RPTOR: variants seen among roughly 807,000 people sequenced by gnomAD.
RPTOR encodes the protein regulatory associated protein of MTOR complex 1.
In RPTOR, 21 loss-of-function variants were observed where a neutral mutation model predicts 169.9. The observed-to-expected ratio is 0.12, with a 90% CI of 0.09 to 0.18. The LOEUF (loss-of-function observed/expected upper bound fraction) is 0.18, where lower values mean the gene tolerates loss of function less well. Among genes scored for constraint, RPTOR ranks in the 10% least tolerant of loss-of-function variants. The probability of loss-of-function intolerance (pLI) is 1.00; values close to 1 mark genes in which losing one functional copy is unlikely to be tolerated. For missense variants in RPTOR, 1,133 were observed against 1,855.9 expected, an observed-to-expected ratio of 0.61 and a Z score of 7.16; for synonymous variants, 732 against 753.2, an observed-to-expected ratio of 0.97 and a Z score of 0.46.
rs888025653 is a variant in RPTOR at position 80,695,419 on chromosome 17, A to G, written c.349-12422A>G. Among the ~76,000 whole-genome samples, 2 of 152,322 alleles carry G rather than the reference A, an allele frequency of 1.3e-5. No individual in the cohort carries two copies. The highest frequency in any genetic ancestry group is 4.8e-5 in the African/African-American group (2 of 41,578). On this transcript the variant is annotated intron_variant, in intron 3 of 33. Coordinates refer to ENST00000306801, the MANE Select transcript of RPTOR (RefSeq NM_020761.3). The surrounding 1 kb of genome is among the most constrained non-coding windows in gnomAD (Gnocchi z 4.9). ...TTTGGGGCTGAGACTTAAGTTTCCC[A>G]TCTCTGGGCGGGACCTGTGCTCTCT...
intron 9 of RPTOR, among the ~76,000 whole-genome samples, chr17:80,836,053 G>A (rs1336985459): frequency 1.3e-5 from 2 of 152,152 alleles, no homozygotes; most frequent in Non-Finnish European, 2.9e-5. Flanking sequence ...ATGGTGAAAC[G>A]GATCCTAGAG....
At chr17:80,952,447 C>T (rs912041200) in intron 28 of RPTOR, among the ~76,000 whole-genome samples, 7 of 152,194 alleles carry the variant, frequency 4.6e-5, no homozygotes, top group African/African-American at 1.7e-4. Flanking sequence ...CCGCCAGCTT[C>T]TGCTGCAGGG....
At chr17:80,621,870 C>T (rs138250081) in intron 1 of RPTOR, among the ~76,000 whole-genome samples, 74 of 152,274 alleles carry the variant, frequency 4.9e-4, no homozygotes, top group Admixed American at 1.1e-3. Flanking sequence ...TTTCCTGGGG[C>T]GCACGGAGCA....
intron 25 of RPTOR, among the ~76,000 whole-genome samples, chr17:80,944,990 CAAA>C (rs530408210): frequency 1.3e-4 from 12 of 93,032 alleles, no homozygotes; most frequent in Admixed American, 4.5e-4. Context: ...GACTCCATCT[CAAA>C]AAAAAAAAAA....
intron 7 of RPTOR, among the ~76,000 whole-genome samples, chr17:80,794,309 T>A (rs1220637965): frequency 6.6e-6 from 1 of 152,082 alleles, no homozygotes; most frequent in East Asian, 1.9e-4. Context: ...CAAAGAGGAT[T>A]TAGGGATGGC....
At chr17:80,634,538 GTACTGTGTGTGTGCA>G (rs1452849701) in intron 2 of RPTOR, among the ~76,000 whole-genome samples, 94 of 110,592 alleles carry the variant, frequency 8.5e-4, no homozygotes, top group Non-Finnish European at 1.2e-3. Context: ...GTGCATGTGC[GTACTGTGTGTGTGCA>G]TACTGTGTGT....
chr17:80,623,751 A>G (rs9906589), intron 1 of RPTOR, among the ~76,000 whole-genome samples: 52,331 of 151,860 alleles, frequency 0.34, 9,165 homozygotes, highest in African/African-American at 0.39. Flanking sequence ...GGCCAGGCTG[A>G]TCTTGAACTC....
chr17:80,554,713 C>T (rs1226502389), intron 1 of RPTOR, among the ~76,000 whole-genome samples: 2 of 151,712 alleles, frequency 1.3e-5, no homozygotes, highest in Non-Finnish European at 2.9e-5. Flanking sequence ...CACTGCACTC[C>T]AGCCTGGGTG....
rs147509862 is a variant in RPTOR, at chr17:80,635,964, A to G, written c.266-7764A>G. Among the ~76,000 whole-genome samples, 59 of 152,264 alleles carry G rather than the reference A, an allele frequency of 3.9e-4. No homozygotes were observed. In the East Asian group the frequency reaches 0.01, roughly 26 times the overall value. On this transcript the variant is annotated intron_variant, in intron 2 of 33. Transcript: ENST00000306801. Reference sequence around the variant, plus strand: ...AGGAAGCCAAAACAGGGATTGGTGCAATCAAATTACTTACAAACATGTTAC... The same window carrying G: ...AGGAAGCCAAAACAGGGATTGGTGCGATCAAATTACTTACAAACATGTTAC...
At chr17:80,760,306 T>C (rs996737426) in intron 6 of RPTOR, among the ~76,000 whole-genome samples, 1 of 132,208 alleles carries the variant, frequency 7.6e-6, no homozygotes, top group Non-Finnish European at 1.6e-5. Context: ...TTTTCTTTTT[T>C]CTTTTTTTTT....
At position 80,705,622 on chromosome 17, in the gene RPTOR, G is replaced by C. The variant is rs187829634; in HGVS notation, c.349-2219G>C. On this transcript the variant is annotated intron_variant, in intron 3 of 33. Coordinates refer to ENST00000306801, the MANE Select transcript of RPTOR (RefSeq NM_020761.3). The stretch of plus-strand genomic sequence containing the variant: ...CAGAGTAACCGTGTTGCAGGAATTG[G>C]GCCTCGTTTTCCTGTTGTTTTCCTC... Among the ~76,000 whole-genome samples the C allele has an allele frequency of 8.5e-5, 13 of 152,244 alleles. No homozygotes were observed. In the East Asian group the frequency reaches 2.5e-3, roughly 29 times the overall value.
intron 1 of RPTOR, among the ~76,000 whole-genome samples, chr17:80,565,453 C>T (rs574728914): frequency 2.8e-4 from 43 of 152,240 alleles, no homozygotes; most frequent in African/African-American, 1.0e-3. Flanking sequence ...CTGAAGGAGG[C>T]CACAGTAAAA....
chr17:80,747,805 G>A (rs1383936255), intron 5 of RPTOR, among the ~76,000 whole-genome samples: 4 of 152,182 alleles, frequency 2.6e-5, no homozygotes, highest in Non-Finnish European at 4.4e-5. Flanking sequence ...CTGGAGACTC[G>A]CCCCACCACC....
chr17:80,788,390 G>A (rs890568491), intron 6 of RPTOR, among the ~76,000 whole-genome samples: 7 of 152,104 alleles, frequency 4.6e-5, no homozygotes, highest in South Asian at 2.1e-4. Flanking sequence ...AGAGGTTGCC[G>A]TGAGCCAAAA....
At chr17:80,720,435 G>A (rs529235490) in intron 4 of RPTOR, among the ~76,000 whole-genome samples, 11 of 152,284 alleles carry the variant, frequency 7.2e-5, no homozygotes, top group African/African-American at 1.7e-4. Context: ...AGAATCTAGC[G>A]GTGTCCAAGA....
chr17:80,602,964 A>T, intron 1 of RPTOR: 1 of 368,628 alleles, frequency 2.7e-6, no homozygotes. Flanking sequence ...AGGACAGTTG[A>T]GTTTTCTTGG....
chr17:80,681,615 CGTCTCTT>C, intron 3 of RPTOR, among the ~76,000 whole-genome samples: 1 of 146,366 alleles, frequency 6.8e-6, no homozygotes, highest in Non-Finnish European at 1.5e-5. Context: ...ATGAGGTGTA[CGTCTCTT>C]ACACCTTCAT....
chr17:80,582,541 C>CTT lies in RPTOR; in HGVS notation c.162+36771_162+36772dup, dbSNP rs5822359. On this transcript the variant is annotated intron_variant, in intron 1 of 33. Coordinates refer to ENST00000306801, the MANE Select transcript of RPTOR (RefSeq NM_020761.3). ...GGGTGACAGCGGTCAGACAAATGGG[C>CTT]TTTTTTTTTTTTTTTTTTTTTTGAG... Among the ~76,000 whole-genome samples, 36 of 86,830 alleles carry CTT rather than the reference C, an allele frequency of 4.1e-4. 1 individual carries two copies. The South Asian group carries it at 0.014, about 34-fold the overall frequency. The allele number at this position is 86,830 out of a possible 152,430, so 57.0% of individuals were successfully genotyped here.
Position 80,726,321 on chromosome 17 carries a change from C to T in RPTOR, c.508-4239C>T, listed in dbSNP as rs1003923423. On this transcript the variant is annotated intron_variant, in intron 4 of 33. Coordinates refer to ENST00000306801, the MANE Select transcript of RPTOR (RefSeq NM_020761.3). This position sits in a 1 kb window ranked among gnomAD's most constrained non-coding sequence, Gnocchi z 4.5. ...CGCTAGGAGGTGGAGATGGTCCAGC[C>T]CCAGCAGGACTGGGCCACGAGGACC... 2.6e-5 allele frequency among the ~76,000 whole-genome samples: 4 copies of T among 152,182 alleles called. No homozygotes were observed. Among genetic ancestry groups the T allele is most frequent in the Non-Finnish European group, 5.9e-5 (4 of 68,032 alleles).
Sources: allele counts gnomAD v4.1 joint callset (sites outside exome capture counted in the v4.1 genomes callset), GRCh38; gene constraint gnomAD v4.1.1; non-coding constraint Gnocchi (gnomAD v3.1); transcripts MANE v1.5; gene names NCBI Gene and HGNC (gene_info 2026-07-23, HGNC 2026-07-21).